The following TBC1D2B variants were observed in gnomAD, a reference collection of about 807,000 sequenced individuals.
The protein encoded by TBC1D2B is TBC1 domain family, member 2B.
TBC1D2B carries 64 observed loss-of-function variants against 100.8 expected under a neutral mutation model. The ratio of observed to expected loss-of-function variants is 0.64; its 90% CI spans 0.52 to 0.78. The LOEUF is 0.78. Ranked by LOEUF, TBC1D2B falls within the 30% of genes least tolerant of loss-of-function variation. The probability of loss-of-function intolerance (pLI) is 0.00; values close to 1 mark genes in which losing one functional copy is unlikely to be tolerated. For missense variants in TBC1D2B, 1,052 were observed against 1,218.4 expected, an observed-to-expected ratio of 0.86 and a Z score of 2.03; for synonymous variants, 480 against 479.7, an observed-to-expected ratio of 1.00 and a Z score of -0.01.
intron 1 of TBC1D2B, among the ~76,000 whole-genome samples, chr15:78,056,670 C>T (rs902274639): frequency 6.7e-6 from 1 of 148,958 alleles, no homozygotes; most frequent in Non-Finnish European, 1.5e-5. Flanking sequence ...GAGCCCAAAG[C>T]CCACCCAGTC....
chr15:78,068,597 T>C lies in TBC1D2B; in HGVS notation c.360+8696A>G, dbSNP rs187261233. 8.5e-5 allele frequency among the ~76,000 whole-genome samples: 13 copies of C among 152,310 alleles called. No homozygotes were observed. In the East Asian group the frequency reaches 2.3e-3, roughly 27 times the overall value. ...GACTAGACCAGGAGCAAAACCATCC[T>C]GAATCTGTAGCCGACTGAGGGCCTC... On this transcript the variant is annotated intron_variant, in intron 1 of 12. Coordinates refer to ENST00000300584, the MANE Select transcript of TBC1D2B (RefSeq NM_144572.2).
rs554793765 is a variant in TBC1D2B, at chr15:78,052,042, C to T, written c.514+1992G>A. 1.2e-4 allele frequency among the ~76,000 whole-genome samples: 18 copies of T among 152,346 alleles called. No homozygotes were observed. In the Middle Eastern group the frequency reaches 0.01, roughly 86 times the overall value. ...CACTCCACTGCTCTTAGGTTAAAGTCCAAAATCCCAAGACCAGCAGTCTAG... is the reference window on the plus strand; with the variant it reads ...CACTCCACTGCTCTTAGGTTAAAGTTCAAAATCCCAAGACCAGCAGTCTAG... On this transcript the variant is annotated intron_variant, in intron 2 of 12. Transcript: ENST00000300584.
chr15:78,025,714 G>T (rs2072647839), intron 4 of TBC1D2B: 4 of 309,510 alleles, frequency 1.3e-5, no homozygotes. Context: ...TTTCAGTAGA[G>T]ATGAGGTTTC....
chr15:78,055,589 T>C (rs1486162232), intron 1 of TBC1D2B, among the ~76,000 whole-genome samples: 1 of 152,164 alleles, frequency 6.6e-6, no homozygotes, highest in East Asian at 1.9e-4. Context: ...ACCAAACTAC[T>C]ACTACCTCCA....
At chr15:78,000,919 C>T (rs1246357038) in intron 12 of TBC1D2B, among the ~76,000 whole-genome samples, 1 of 152,208 alleles carries the variant, frequency 6.6e-6, no homozygotes, top group Non-Finnish European at 1.5e-5. Flanking sequence ...CCCCTAGAGC[C>T]CTCTAACAGC....
At position 78,024,849 on chromosome 15, in the gene TBC1D2B, A is replaced by C. The variant is rs142652614; in HGVS notation, c.1087-310T>G. Among the ~76,000 whole-genome samples, 201 of 152,370 alleles carry C rather than the reference A, an allele frequency of 1.3e-3. 1 individual carries two copies. The highest frequency in any genetic ancestry group is 2.5e-3 in the Non-Finnish European group (171 of 68,038). ...AAAACCTGTGCTCTAAGAGTCACTG[A>C]ACTGCTGAACAATTAAATGTAATTA... On this transcript the variant is annotated intron_variant, in intron 5 of 12. Transcript: ENST00000300584.
intron 3 of TBC1D2B, among the ~76,000 whole-genome samples, chr15:78,035,158 C>A (rs2072916320): frequency 1.3e-5 from 2 of 152,182 alleles, no homozygotes; most frequent in Admixed American, 1.3e-4. Flanking sequence ...AAGTGAGGCA[C>A]CACGAAGCAG....
At chr15:78,053,855 T>TGTG in intron 2 of TBC1D2B, 179 bp downstream of exon 2, 1 of 669,344 alleles carries the variant, frequency 1.5e-6, no homozygotes, top group Non-Finnish European at 2.4e-6. Flanking sequence ...AGGCTGTCAC[T>TGTG]GGGCTTGCAT....
At chr15:78,030,783 G>A (rs1170343921) in intron 3 of TBC1D2B, among the ~76,000 whole-genome samples, 3 of 152,160 alleles carry the variant, frequency 2.0e-5, no homozygotes, top group Non-Finnish European at 2.9e-5. Flanking sequence ...AACATTCACT[G>A]CAGCATTGTT....
Position 77,998,022 on chromosome 15 carries a change from G to A in TBC1D2B, c.*138C>T. On this transcript the variant is annotated 3_prime_UTR_variant, in exon 13 of 13. Transcript: ENST00000300584. ...TGCCCCCCGCACAGTGGGAAATGAG[G>A]AAGGGCAGCCTGGCTTGGGACATCT... is the stretch of plus-strand genomic sequence containing the variant. 1.3e-6 allele frequency: 1 copy of A among 799,766 alleles called. No homozygotes were observed. Among genetic ancestry groups the A allele is most frequent in the Non-Finnish European group, 1.9e-6 (1 of 531,924 alleles). The allele number at this position is 799,766 out of a possible 1,614,324, so 49.5% of individuals were successfully genotyped here. A position where few individuals can be genotyped will look rare whatever the true frequency, so the allele number is the denominator to read the frequency against.
At chr15:78,074,871 A>T (rs2141853043) in intron 1 of TBC1D2B, among the ~76,000 whole-genome samples, 1 of 152,352 alleles carries the variant, frequency 6.6e-6, no homozygotes. Context: ...ACTACTGCAT[A>T]ATATTCCACT....
At position 77,996,042 on chromosome 15, in the gene TBC1D2B, CTT is replaced by C. The variant is rs1294837542; in HGVS notation, c.*2116_*2117del. The C allele has an allele frequency of 6.6e-6, 1 of 151,586 alleles. No individual in the cohort carries two copies. The highest frequency in any genetic ancestry group is 2.0e-4 in the East Asian group (1 of 5,096). The allele number at this position is 151,586 out of a possible 1,614,324, so 9.4% of individuals were successfully genotyped here. On this transcript the variant is annotated 3_prime_UTR_variant, in exon 13 of 13. Transcript: ENST00000300584. Reference sequence around the variant, plus strand: ...CTTTAACCAGGCGGAGCCGCCCTCTCTTGCCTTCTGGACACGCATCACTTGAT... The same window carrying C: ...CTTTAACCAGGCGGAGCCGCCCTCTCGCCTTCTGGACACGCATCACTTGAT...
At chr15:78,003,105 T>C (rs1365488892) in intron 11 of TBC1D2B, 200 bp downstream of exon 11, 10 of 540,896 alleles carry the variant, frequency 1.8e-5, no homozygotes, top group Non-Finnish European at 6.7e-6. Flanking sequence ...TGATGTGGGT[T>C]GAATGTTTCT....
chr15:78,045,942 T>C (rs74729413), intron 2 of TBC1D2B, among the ~76,000 whole-genome samples: 21 of 152,084 alleles, frequency 1.4e-4, no homozygotes, highest in Admixed American at 3.3e-4. Flanking sequence ...TCTTTTTTTT[T>C]CCCCCATAGA....
chr15:78,053,991 T>C, intron 2 of TBC1D2B, 43 bp downstream of exon 2: 2 of 1,576,864 alleles, frequency 1.3e-6, no homozygotes, highest in Non-Finnish European at 8.6e-7. Flanking sequence ...ATCGAATGGC[T>C]TACACAAAGA....
chr15:78,059,193 T>C (rs1478388190), intron 1 of TBC1D2B, among the ~76,000 whole-genome samples: 2 of 152,222 alleles, frequency 1.3e-5, no homozygotes, highest in Admixed American at 6.5e-5. Context: ...AACCCTCCCA[T>C]GGAGGTGAGG....
chr15:78,024,580 C>A lies in TBC1D2B; in HGVS notation c.1087-41G>T, dbSNP rs745445994. The A allele has an allele frequency of 1.9e-5, 29 of 1,540,156 alleles. No homozygotes were observed. The South Asian group carries it at 3.3e-4, about 18-fold the overall frequency. On this transcript the variant is annotated intron_variant, in intron 5 of 12. Coordinates refer to ENST00000300584, the MANE Select transcript of TBC1D2B (RefSeq NM_144572.2). ...AGAATGGAGTGAAGGGTGAAAAGAG[C>A]AAGGAGAGGAGGAAAAGCAGAAATC...
chr15:78,028,479 A>G (rs1162990983), intron 4 of TBC1D2B, among the ~76,000 whole-genome samples: 3 of 152,262 alleles, frequency 2.0e-5, no homozygotes, highest in African/African-American at 4.8e-5. Context: ...TCAATAAATA[A>G]AATAAATAAA....
chr15:78,046,078 C>T (rs1374530844), intron 2 of TBC1D2B, among the ~76,000 whole-genome samples: 1 of 152,042 alleles, frequency 6.6e-6, no homozygotes, highest in East Asian at 1.9e-4. Context: ...ATTACAGGCA[C>T]CCAGCACCAC....
Sources: gnomAD v4.1 joint callset for allele counts (sites outside exome capture counted in the v4.1 genomes callset) on GRCh38, gnomAD v4.1.1 for gene constraint, MANE v1.5 for transcripts, NCBI Gene and HGNC (gene_info 2026-07-23, HGNC 2026-07-21) for gene names.